PCDHA2: variants seen among roughly 807,000 people sequenced by gnomAD.
The protein encoded by PCDHA2 is protocadherin alpha-2.
Under a neutral mutation model 66.0 loss-of-function variants are expected in PCDHA2, and 58 were observed. The ratio of observed to expected loss-of-function variants is 0.88; its 90% CI spans 0.71 to 1.09. The LOEUF is 1.09. Among genes scored for constraint, PCDHA2 ranks in the 50% least tolerant of loss-of-function variants. The pLI, the probability that PCDHA2 is intolerant of heterozygous loss-of-function variation, is 0.00. For synonymous variants in PCDHA2, 634 were observed against 554.0 expected (o/e 1.14, Z -2.03); for missense variants, 1,267 against 1,242.3 (o/e 1.02, Z -0.30).
chr5:140,927,363 GAT>G (rs1188531316), intron 1 of PCDHA2: 33 of 1,613,946 alleles, frequency 2.0e-5, no homozygotes, highest in Non-Finnish European at 2.7e-5. Context: ...GAAGCAATGG[GAT>G]ACTAAGCTAC....
Position 140,796,952 on chromosome 5 carries a change from C to T in PCDHA2, c.1988C>T (p.Ala663Val). The T allele has an allele frequency of 6.2e-7, 1 of 1,613,804 alleles. No homozygotes were observed. Residue 663 changes from alanine to valine, a missense_variant, in exon 1 of 4, where the codon GCC (alanine) becomes GTC (valine). By Grantham distance (64) the Ala-to-Val change is moderately conservative. Coordinates refer to ENST00000526136, the MANE Select transcript of PCDHA2 (RefSeq NM_018905.3). ...GGCGAACCAGCGTTGACAGCCACGG[C>T]CACCGTGTTAGTGTCGTTGGTGGAA... ...DHGEPALTAT[A>V]TVLVSLVESG...
At position 140,856,052 on chromosome 5, in the gene PCDHA2, G is replaced by A. The variant is rs782444703; in HGVS notation, c.2388+58700G>A. 5.7e-6 allele frequency: 9 copies of A among 1,585,062 alleles called. 1 individual carries two copies. Among genetic ancestry groups the A allele is most frequent in the African/African-American group, 5.4e-5 (4 of 73,974 alleles). On this transcript the variant is annotated intron_variant, in intron 1 of 3. Coordinates refer to ENST00000526136, the MANE Select transcript of PCDHA2 (RefSeq NM_018905.3). The stretch of plus-strand genomic sequence containing the variant: ...TGTAAAACAAGAGAAGGATAAGATG[G>A]TTTCCAGATGTAGCTGCCTGGGGGT...
Position 140,892,378 on chromosome 5 carries a change from A to G in PCDHA2, c.2389-86571A>G, listed in dbSNP as rs13360703. 4.7e-3 allele frequency among the ~76,000 whole-genome samples: 722 copies of G among 152,344 alleles called. 7 individuals are homozygous for G. Among genetic ancestry groups the G allele is most frequent in the African/African-American group, 0.016 (672 of 41,584 alleles). On this transcript the variant is annotated intron_variant, in intron 1 of 3. Coordinates refer to ENST00000526136, the MANE Select transcript of PCDHA2 (RefSeq NM_018905.3). Reference sequence around the variant, plus strand: ...CAGGCATCTTGGGGCACTAGCAATCATGGGTAATCTTAATCTATTTCAAGC... The same window carrying G: ...CAGGCATCTTGGGGCACTAGCAATCGTGGGTAATCTTAATCTATTTCAAGC...
intron 1 of PCDHA2, among the ~76,000 whole-genome samples, chr5:140,855,465 T>G (rs1363813881): frequency 2.0e-5 from 3 of 149,888 alleles, no homozygotes; most frequent in South Asian, 2.1e-4. Context: ...ACCTCACAGA[T>G]AGTTGATGCT....
intron 1 of PCDHA2, among the ~76,000 whole-genome samples, chr5:140,952,671 A>C (rs1429468287): frequency 6.6e-6 from 1 of 152,176 alleles, no homozygotes; most frequent in Admixed American, 6.5e-5. Context: ...AGTCACTTTC[A>C]CATTTTCAGG....
chr5:140,873,412 T>C (rs2054273798), intron 1 of PCDHA2, among the ~76,000 whole-genome samples: 1 of 152,210 alleles, frequency 6.6e-6, no homozygotes, highest in Non-Finnish European at 1.5e-5. Context: ...GGTTAAAATT[T>C]TGTAAATTAT....
At chr5:140,899,518 C>T (rs546972156) in intron 1 of PCDHA2, among the ~76,000 whole-genome samples, 145 of 152,230 alleles carry the variant, frequency 9.5e-4, no homozygotes, top group African/African-American at 2.6e-3. Context: ...TATTGCATCC[C>T]AGGGATGAAG....
At chr5:140,942,705 T>TA (rs1220612434) in intron 1 of PCDHA2, among the ~76,000 whole-genome samples, 1 of 152,100 alleles carries the variant, frequency 6.6e-6, no homozygotes, top group Non-Finnish European at 1.5e-5. Flanking sequence ...AAATATGAAG[T>TA]AAAAGTATGA....
At chr5:140,912,689 CA>C (rs781833135) in intron 1 of PCDHA2, among the ~76,000 whole-genome samples, 5 of 152,112 alleles carry the variant, frequency 3.3e-5, no homozygotes, top group African/African-American at 4.8e-5. Context: ...TTCCAGGTCT[CA>C]GGGGGAATGC....
chr5:140,923,468 G>A (rs2081380588), intron 1 of PCDHA2, among the ~76,000 whole-genome samples: 1 of 152,098 alleles, frequency 6.6e-6, no homozygotes, highest in Admixed American at 6.5e-5. Context: ...GGTAGGGGCT[G>A]CAGTGAGCCA....
intron 1 of PCDHA2, among the ~76,000 whole-genome samples, chr5:140,922,302 A>G (rs2080767601): frequency 6.6e-6 from 1 of 152,222 alleles, no homozygotes; most frequent in African/African-American, 2.4e-5. Flanking sequence ...AGGAGAGGAT[A>G]CCTTTCACTG....
chr5:140,990,760 G>A (rs2097413418), intron 3 of PCDHA2, among the ~76,000 whole-genome samples: 1 of 152,182 alleles, frequency 6.6e-6, no homozygotes, highest in Non-Finnish European at 1.5e-5. Context: ...CTTTGAGCCT[G>A]TAAATTTGGC....
In PCDHA2 at chr5:140,796,302, C is replaced by G. The variant is rs782602329; in HGVS notation, c.1338C>G (p.Ala446=). The G allele has an allele frequency of 6.9e-5, 111 of 1,614,028 alleles. No individual in the cohort carries two copies. The highest frequency in any genetic ancestry group is 9.4e-5 in the Non-Finnish European group (111 of 1,180,050). Residue 446 remains alanine (A), a synonymous_variant, in exon 1 of 4, where the codon GCC becomes GCG. Transcript: ENST00000526136. ...CCACCAGCGTGTCCATCGAGGTGGC[C>G]GACGTGAACGACAACGCGCCGGCGT... is the stretch of plus-strand genomic sequence containing the variant. ...WATTSVSIEV[A]DVNDNAPAFA... is the part of the protein sequence containing the mutation.
At chr5:140,817,727 G>A (rs1353806960) in intron 1 of PCDHA2, 3 of 151,996 alleles carry the variant, frequency 2.0e-5, no homozygotes, top group Non-Finnish European at 4.4e-5. Context: ...ACCTATATAT[G>A]TTTCTTTCTG....
At chr5:140,802,973 G>A (rs1233105418) in intron 1 of PCDHA2, 22 of 1,613,896 alleles carry the variant, frequency 1.4e-5, no homozygotes, top group African/African-American at 4.0e-5. Context: ...ACGTGGTAGC[G>A]AAGGTGCGCG....
At chr5:140,922,092 C>G (rs188826380) in intron 1 of PCDHA2, among the ~76,000 whole-genome samples, 2 of 152,184 alleles carry the variant, frequency 1.3e-5, no homozygotes. Context: ...GGTATTTCTA[C>G]CAACTATAGA....
chr5:140,967,828 C>T (rs2096188201), intron 1 of PCDHA2: 2 of 1,614,028 alleles, frequency 1.2e-6, no homozygotes, highest in Non-Finnish European at 1.7e-6. Flanking sequence ...TGCTGGTGGA[C>T]ATCGTGGACG....
intron 1 of PCDHA2, chr5:140,869,903 C>A: frequency 1.2e-6 from 2 of 1,610,648 alleles, no homozygotes; most frequent in Non-Finnish European, 1.7e-6. Flanking sequence ...CTAAACGCCA[C>A]AGACCGAGAC....
chr5:140,931,649 G>A (rs2087653878), intron 1 of PCDHA2, among the ~76,000 whole-genome samples: 1 of 151,904 alleles, frequency 6.6e-6, no homozygotes, highest in African/African-American at 2.4e-5. Context: ...GCTAATAATT[G>A]TTGTGGGCTG....
Sources: allele counts gnomAD v4.1 joint callset (sites outside exome capture counted in the v4.1 genomes callset), GRCh38; gene constraint gnomAD v4.1.1; transcripts MANE v1.5; gene names NCBI Gene and HGNC (gene_info 2026-07-23, HGNC 2026-07-21).